The following TMEM117 variants were observed in gnomAD, a reference collection of about 807,000 sequenced individuals.
TMEM117 encodes the protein transmembrane protein 117.
TMEM117 carries 27 observed loss-of-function variants against 52.4 expected under a neutral mutation model. The ratio of observed to expected loss-of-function variants is 0.51; its 90% CI spans 0.38 to 0.71. The LOEUF is 0.71. TMEM117 is among the 30% of genes least tolerant of loss of function. TMEM117 has a pLI of 0.00. For synonymous variants in TMEM117, 215 were observed against 206.3 expected, an observed-to-expected ratio of 1.04 and a Z score of -0.36; for missense variants, 556 against 630.5, an observed-to-expected ratio of 0.88 and a Z score of 1.26.
rs140522718 is a variant in TMEM117, at chr12:43,920,363, A to G, written c.278-23847A>G. Among the ~76,000 whole-genome samples the G allele has an allele frequency of 1.8e-3, 281 of 152,150 alleles. 1 individual carries two copies. Among genetic ancestry groups the G allele is most frequent in the African/African-American group, 6.1e-3 (255 of 41,530 alleles). On this transcript the variant is annotated intron_variant, in intron 2 of 7. Transcript: ENST00000266534. Reference sequence around the variant, plus strand: ...CCTGTCTCTACTAAAAATACAAAAAATTAGCCGGGCGTGGTGGCAGGCACC... The same window carrying G: ...CCTGTCTCTACTAAAAATACAAAAAGTTAGCCGGGCGTGGTGGCAGGCACC...
At chr12:44,088,946 A>G (rs565794746) in intron 3 of TMEM117, among the ~76,000 whole-genome samples, 29 of 152,284 alleles carry the variant, frequency 1.9e-4, no homozygotes, top group Admixed American at 9.2e-4. Flanking sequence ...TCTTTGGAGG[A>G]CTGCACTTTC....
At chr12:43,888,981 C>T (rs146033242) in intron 2 of TMEM117, among the ~76,000 whole-genome samples, 141 of 152,052 alleles carry the variant, frequency 9.3e-4, no homozygotes, top group African/African-American at 3.1e-3. Flanking sequence ...TTTTTGGCAC[C>T]GGGGTGGGTT....
chr12:44,140,816 A>G (rs2138193981), intron 3 of TMEM117, among the ~76,000 whole-genome samples: 1 of 152,154 alleles, frequency 6.6e-6, no homozygotes, highest in South Asian at 2.1e-4. Context: ...GAACTCTAAT[A>G]GAGTCCTCAA....
intron 5 of TMEM117, among the ~76,000 whole-genome samples, chr12:44,284,078 G>C (rs1364411463): frequency 6.6e-6 from 1 of 152,138 alleles, no homozygotes; most frequent in Non-Finnish European, 1.5e-5. Context: ...ACTTTGGGAG[G>C]CTGACGCGGG....
intron 2 of TMEM117, among the ~76,000 whole-genome samples, chr12:43,877,369 C>T (rs567028736): frequency 4.6e-5 from 7 of 152,190 alleles, no homozygotes; most frequent in Admixed American, 2.0e-4. Context: ...TGCGGTGGCT[C>T]ACGTCTGTAA....
chr12:43,838,149 G>A (rs893654286), intron 1 of TMEM117, among the ~76,000 whole-genome samples: 7 of 151,746 alleles, frequency 4.6e-5, no homozygotes, highest in African/African-American at 1.7e-4. Flanking sequence ...ACCTGTATTA[G>A]GCACTTGCAT....
chr12:44,029,028 A>C (rs1307018937), intron 3 of TMEM117, among the ~76,000 whole-genome samples: 1 of 152,192 alleles, frequency 6.6e-6, no homozygotes, highest in African/African-American at 2.4e-5. Flanking sequence ...AATAGACAGC[A>C]CTGATTGGAT....
At chr12:43,977,788 C>T (rs567721816) in intron 3 of TMEM117, among the ~76,000 whole-genome samples, 6 of 152,100 alleles carry the variant, frequency 3.9e-5, no homozygotes, top group South Asian at 2.1e-4. Context: ...TGGCATAAGT[C>T]GGACCATTAC....
chr12:43,965,470 A>G (rs1429834387), intron 3 of TMEM117, among the ~76,000 whole-genome samples: 2 of 152,106 alleles, frequency 1.3e-5, no homozygotes, highest in Admixed American at 6.6e-5. Flanking sequence ...TCCGTGGATT[A>G]CTCTGTCTCT....
intron 3 of TMEM117, among the ~76,000 whole-genome samples, chr12:44,107,961 T>C (rs933157260): frequency 1.3e-5 from 2 of 152,158 alleles, no homozygotes; most frequent in Non-Finnish European, 2.9e-5. Context: ...TGACCTGGCT[T>C]CTACAGACCA....
intron 5 of TMEM117, among the ~76,000 whole-genome samples, chr12:44,231,359 G>A (rs1421666776): frequency 6.6e-6 from 1 of 150,744 alleles, no homozygotes; most frequent in East Asian, 1.9e-4. Flanking sequence ...TATGAACATA[G>A]CCTTTAAAAA....
At chr12:43,799,520 A>G in the TMEM117 span, 2 of 1,418,580 alleles carry the variant, frequency 1.4e-6, no homozygotes, top group Non-Finnish European at 2.0e-6. Flanking sequence ...TACAGAATAG[A>G]CTATAATCAG....
intron 4 of TMEM117, among the ~76,000 whole-genome samples, chr12:44,207,172 G>A (rs940371944): frequency 6.6e-6 from 1 of 152,026 alleles, no homozygotes; most frequent in African/African-American, 2.4e-5. Flanking sequence ...AATAACATTT[G>A]TTTATCTTAA....
intron 2 of TMEM117, among the ~76,000 whole-genome samples, chr12:43,866,266 TA>T (rs1438210371): frequency 1.3e-5 from 2 of 151,642 alleles, no homozygotes; most frequent in Non-Finnish European, 2.9e-5. Flanking sequence ...CTGTAAGAAA[TA>T]AAAATTTCAA....
At chr12:43,999,681 G>A (rs970280579) in intron 3 of TMEM117, among the ~76,000 whole-genome samples, 6 of 151,934 alleles carry the variant, frequency 3.9e-5, no homozygotes, top group Admixed American at 1.3e-4. Flanking sequence ...TTGTAGAGAC[G>A]GGGTTTCACC....
intron 6 of TMEM117, among the ~76,000 whole-genome samples, chr12:44,346,601 A>G (rs1951490808): frequency 6.6e-6 from 1 of 152,112 alleles, no homozygotes; most frequent in Admixed American, 6.6e-5. Context: ...ATCCCATGGT[A>G]TAGGCAGCAG....
chr12:43,942,770 C>T (rs1452417426), intron 2 of TMEM117, among the ~76,000 whole-genome samples: 1 of 152,082 alleles, frequency 6.6e-6, no homozygotes, highest in Non-Finnish European at 1.5e-5. Context: ...TCTTCCTATG[C>T]TCAGTGAGAT....
intron 4 of TMEM117, among the ~76,000 whole-genome samples, chr12:44,209,052 A>C (rs1447986846): frequency 1.3e-5 from 2 of 152,042 alleles, no homozygotes; most frequent in African/African-American, 4.8e-5. Flanking sequence ...TTATTTACCT[A>C]TTTATTCATG....
intron 5 of TMEM117, among the ~76,000 whole-genome samples, chr12:44,291,954 TG>T (rs1315939137): frequency 6.6e-6 from 1 of 152,084 alleles, no homozygotes; most frequent in East Asian, 1.9e-4. Context: ...TTTCTTTTTT[TG>T]TAGTATCCAT....
Sources: gnomAD v4.1 joint callset for allele counts (sites outside exome capture counted in the v4.1 genomes callset) on GRCh38, gnomAD v4.1.1 for gene constraint, MANE v1.5 for transcripts, NCBI Gene and HGNC (gene_info 2026-07-23, HGNC 2026-07-21) for gene names.